Variants in DLC1 observed in about 807,000 individuals in gnomAD.
The protein encoded by DLC1 is DLC1 Rho GTPase activating protein, also known as rho GTPase-activating protein 7.
In DLC1, 54 loss-of-function variants were observed where a neutral mutation model predicts 140.3. The ratio of observed to expected loss-of-function variants is 0.38; its 90% confidence interval spans 0.31 to 0.48. The LOEUF (loss-of-function observed/expected upper bound fraction) is 0.48. DLC1 is among the 20% of genes least tolerant of loss of function. The probability of loss-of-function intolerance (pLI) is 0.96; values close to 1 mark genes in which losing one functional copy is unlikely to be tolerated. For synonymous variants in DLC1, 986 were observed against 728.1 expected, an observed-to-expected ratio of 1.35 and a Z score of -5.70; for missense variants, 2,536 against 1,907.0, an observed-to-expected ratio of 1.33 and a Z score of -6.14.
intron 5 of DLC1, among the ~76,000 whole-genome samples, chr8:13,258,918 A>C (rs1050308273): frequency 4.6e-5 from 7 of 152,064 alleles, no homozygotes; most frequent in African/African-American, 1.4e-4. Context: ...CGGGTGGATC[A>C]CGAGGTCAGG....
At chr8:13,182,952 C>A (rs893200436) in intron 5 of DLC1, among the ~76,000 whole-genome samples, 2 of 152,208 alleles carry the variant, frequency 1.3e-5, no homozygotes, top group Admixed American at 1.3e-4. Context: ...TATCCATGAG[C>A]ATGGAATATT....
At chr8:13,505,761 C>T (rs1802030407) in intron 1 of DLC1, among the ~76,000 whole-genome samples, 1 of 152,140 alleles carries the variant, frequency 6.6e-6, no homozygotes, top group South Asian at 2.1e-4. Context: ...TTTCAGTTTC[C>T]TTTCCTTCCC....
At chr8:13,367,371 C>G (rs1835536262) in intron 4 of DLC1, among the ~76,000 whole-genome samples, 1 of 152,142 alleles carries the variant, frequency 6.6e-6, no homozygotes, top group Non-Finnish European at 1.5e-5. Flanking sequence ...CTTAAAGATC[C>G]TGTAGTACAG....
chr8:13,404,489 C>CATAT (rs1278145144), intron 2 of DLC1, among the ~76,000 whole-genome samples: 1 of 152,116 alleles, frequency 6.6e-6, no homozygotes, highest in East Asian at 1.9e-4. Flanking sequence ...TGAATAGAAA[C>CATAT]ATTGATAGTT....
intron 4 of DLC1, among the ~76,000 whole-genome samples, chr8:13,334,370 C>A (rs1300950370): frequency 1.3e-5 from 2 of 152,254 alleles, no homozygotes; most frequent in East Asian, 3.9e-4. Context: ...CAGGCCAGAT[C>A]TGTGAGCCCC....
At chr8:13,538,264 T>C (rs577334133) in intron 1 of DLC1, among the ~76,000 whole-genome samples, 1 of 152,182 alleles carries the variant, frequency 6.6e-6, no homozygotes, top group East Asian at 1.9e-4. Flanking sequence ...ATATTGAGTG[T>C]GGCTCAAGCA....
chr8:13,342,049 T>C (rs769664013), intron 4 of DLC1: 19 of 152,224 alleles, frequency 1.2e-4, no homozygotes, highest in Non-Finnish European at 1.5e-4. Flanking sequence ...CCAGTGTGAA[T>C]TAAAAGAGTT....
chr8:13,195,851 A>G (rs914772921), intron 5 of DLC1, among the ~76,000 whole-genome samples: 1 of 152,110 alleles, frequency 6.6e-6, no homozygotes, highest in African/African-American at 2.4e-5. Context: ...GGAATCATTT[A>G]AAAAAATGAG....
intron 4 of DLC1, among the ~76,000 whole-genome samples, chr8:13,316,853 G>A (rs1345726050): frequency 6.6e-6 from 1 of 152,098 alleles, no homozygotes; most frequent in Admixed American, 6.6e-5. Context: ...TTTGCAAATA[G>A]TCCCTGTATA....
chr8:13,255,735 T>A (rs1003975805), intron 5 of DLC1, among the ~76,000 whole-genome samples: 11 of 152,190 alleles, frequency 7.2e-5, no homozygotes, highest in African/African-American at 2.2e-4. Flanking sequence ...TCTGTCATGA[T>A]CACTTTCCGT....
Position 13,401,494 on chromosome 8 carries a change from T to A in DLC1, c.1149A>T (p.Pro383=). 1 of 1,612,650 alleles carries A rather than the reference T, an allele frequency of 6.2e-7. No homozygotes were observed. The highest frequency in any genetic ancestry group is 1.1e-5 in the South Asian group (1 of 91,000). Residue 383 remains proline (P), a synonymous_variant, in exon 3 of 18, where the codon CCA becomes CCT. Transcript: ENST00000276297. The part of the protein sequence containing the change: ...LSTSSSPSGT[P]TNLRRHVPDL... ...CAGGAACGTGCCGCCGCAGGTTTGT[T>A]GGTGTGCCTGATGGAGAGGAGCTGG...
chr8:13,317,722 G>A (rs557926190), intron 4 of DLC1, among the ~76,000 whole-genome samples: 1 of 152,196 alleles, frequency 6.6e-6, no homozygotes, highest in African/African-American at 2.4e-5. Flanking sequence ...AGGAAAGGGA[G>A]AAGTTCAAAT....
At chr8:13,338,366 C>A (rs1397182885) in intron 4 of DLC1, among the ~76,000 whole-genome samples, 1 of 152,112 alleles carries the variant, frequency 6.6e-6, no homozygotes, top group Non-Finnish European at 1.5e-5. Flanking sequence ...TAGCTGGCAC[C>A]CTAGCTGAGC....
At chr8:13,548,929 T>A (rs1803752723) in intron 1 of DLC1, among the ~76,000 whole-genome samples, 2 of 152,102 alleles carry the variant, frequency 1.3e-5, no homozygotes, top group Non-Finnish European at 2.9e-5. Flanking sequence ...GAAGATCAAT[T>A]ATAATCACTG....
intron 5 of DLC1, among the ~76,000 whole-genome samples, chr8:13,187,242 G>A (rs1826430153): frequency 1.3e-5 from 2 of 152,102 alleles, no homozygotes; most frequent in Admixed American, 6.5e-5. Flanking sequence ...CCTCTCACCT[G>A]TAGAATGTAA....
chr8:13,169,087 T>C (rs939127995), intron 5 of DLC1, among the ~76,000 whole-genome samples: 1 of 152,254 alleles, frequency 6.6e-6, no homozygotes, highest in African/African-American at 2.4e-5. Flanking sequence ...CACCTTGTTA[T>C]GGATCAGAAG....
In DLC1 at chr8:13,500,113, T is replaced by C. The variant is rs1397943446; in HGVS notation, c.-42A>G. ...AACAGACAGAGAGATATATTCCATA[T>C]GAGGGTAAAGGAGATGGAACTTGAT... On this transcript the variant is annotated 5_prime_UTR_variant, in exon 2 of 18. Coordinates refer to ENST00000276297, the MANE Select transcript of DLC1 (RefSeq NM_182643.3). 3.9e-6 allele frequency: 6 copies of C among 1,539,110 alleles called. No homozygotes were observed. Among genetic ancestry groups the C allele is most frequent in the Admixed American group, 1.7e-5 (1 of 57,754 alleles).
At chr8:13,346,717 C>A (rs909207453) in intron 4 of DLC1, among the ~76,000 whole-genome samples, 4 of 152,104 alleles carry the variant, frequency 2.6e-5, no homozygotes, top group South Asian at 4.1e-4. Flanking sequence ...CCAATGAAAA[C>A]CCCCCTTTGT....
chr8:13,405,518 C>T (rs1038693896), intron 2 of DLC1, among the ~76,000 whole-genome samples: 2 of 152,216 alleles, frequency 1.3e-5, no homozygotes, highest in African/African-American at 2.4e-5. Context: ...GAAAACTGAA[C>T]TCCAGGGAGT....
Sources: allele counts gnomAD v4.1 joint callset (sites outside exome capture counted in the v4.1 genomes callset), GRCh38; gene constraint gnomAD v4.1.1; transcripts MANE v1.5; gene names NCBI Gene and HGNC (gene_info 2026-07-23, HGNC 2026-07-21).